The following PTCH1 variants were observed in gnomAD, a reference collection of about 807,000 sequenced individuals.
PTCH1 encodes the protein patched 1, also known as protein patched homolog 1.
Under a neutral mutation model 144.6 loss-of-function variants are expected in PTCH1, and 14 were observed. That is an observed-to-expected ratio of 0.10 (90% CI 0.06 to 0.15). PTCH1 has a LOEUF of 0.15. Ranked by LOEUF, PTCH1 falls within the 10% of genes least tolerant of loss-of-function variation. The pLI, the probability that PTCH1 is intolerant of heterozygous loss-of-function variation, is 1.00. For synonymous variants in PTCH1, 833 were observed against 793.6 expected (o/e 1.05, Z -0.83); for missense variants, 1,623 against 1,948.3 (o/e 0.83, Z 3.14).
Position 95,480,450 on chromosome 9 carries a change from G to C in PTCH1, c.885C>G (p.Pro295=). The change falls in exon 6 of 24, where the codon CCC becomes CCG. Residue 295 remains proline, a synonymous_variant. Transcript: ENST00000331920. ...AGTCTGGATCGGCCGGATTGAGGCAGGGGCGGTCCATGTAACCATGACCAA... is the reference window on the plus strand; with the variant it reads ...AGTCTGGATCGGCCGGATTGAGGCACGGGCGGTCCATGTAACCATGACCAA... ...AEVGHGYMDR[P]CLNPADPDCP... 6.2e-7 allele frequency: 1 copy of C among 1,611,926 alleles called. No homozygotes were observed. Among genetic ancestry groups the C allele is most frequent in the Non-Finnish European group, 8.5e-7 (1 of 1,179,718 alleles).
At position 95,449,826 on chromosome 9, in the gene PTCH1, C is replaced by T. The variant is rs1444040515; in HGVS notation, c.3549+15G>A. On this transcript the variant is annotated intron_variant, in intron 21 of 23. Coordinates refer to ENST00000331920, the MANE Select transcript of PTCH1 (RefSeq NM_000264.5). This position sits in a 1 kb window ranked among gnomAD's most constrained non-coding sequence, Gnocchi z 5.3. Reference sequence around the variant, plus strand: ...AGCCGGCCTACACGTGGGACATCCCCGTGTCACTACTGACCTCAGGATATG... The same window carrying T: ...AGCCGGCCTACACGTGGGACATCCCTGTGTCACTACTGACCTCAGGATATG... The T allele has an allele frequency of 3.1e-6, 5 of 1,602,476 alleles. No individual in the cohort carries two copies. The highest frequency in any genetic ancestry group is 2.2e-5 in the East Asian group (1 of 44,792).
chr9:95,500,888 C>A (rs1029050307), intron 2 of PTCH1, among the ~76,000 whole-genome samples: 3 of 152,194 alleles, frequency 2.0e-5, no homozygotes, highest in Non-Finnish European at 2.9e-5. Context: ...AATTTAGATA[C>A]CCCCCACCAA....
At chr9:95,487,452 G>C (rs960699475) in intron 2 of PTCH1, among the ~76,000 whole-genome samples, 1 of 152,244 alleles carries the variant, frequency 6.6e-6, no homozygotes, top group Non-Finnish European at 1.5e-5. Flanking sequence ...TACCTACTCG[G>C]CTGGCCTTTT....
upstream of PTCH1, among the ~76,000 whole-genome samples, chr9:95,510,797 C>T (rs1844110909): frequency 1.3e-5 from 2 of 151,338 alleles, no homozygotes; most frequent in Non-Finnish European, 3.0e-5. Context: ...GGGGGAGGAG[C>T]AGGGAGAAGG....
intron 1 of PTCH1, chr9:95,506,984 A>G: frequency 1.0e-6 from 1 of 1,001,360 alleles, no homozygotes; most frequent in Non-Finnish European, 1.2e-6. Flanking sequence ...GATGGAGCCC[A>G]AGGTTCAGGA....
At chr9:95,477,229 A>G (rs1183402553) in intron 10 of PTCH1, among the ~76,000 whole-genome samples, 3 of 152,218 alleles carry the variant, frequency 2.0e-5, no homozygotes, top group Non-Finnish European at 4.4e-5. Flanking sequence ...GGGCCTGGCA[A>G]TCGGAGCTTT....
chr9:95,447,456 A>G lies in PTCH1; in HGVS notation c.3805-5T>C. 6.4e-7 allele frequency: 1 copy of G among 1,573,182 alleles called. No individual in the cohort carries two copies. The highest frequency in any genetic ancestry group is 2.2e-5 in the East Asian group (1 of 44,552). ...CCTGGATTCGGGATGGACCACCTGCAGAGGGTGAGGGTGGGTTAGAAGGGT... is the reference window on the plus strand; with the variant it reads ...CCTGGATTCGGGATGGACCACCTGCGGAGGGTGAGGGTGGGTTAGAAGGGT... On this transcript the variant is annotated splice_polypyrimidine_tract_variant and splice_region_variant and intron_variant, in intron 22 of 23. Coordinates refer to ENST00000331920, the MANE Select transcript of PTCH1 (RefSeq NM_000264.5).
chr9:95,506,334 G>A (rs2118870448), intron 2 of PTCH1, 73 bp downstream of exon 2: 2 of 1,510,186 alleles, frequency 1.3e-6, no homozygotes. Context: ...CTAGGTGTGC[G>A]CTGGCGAATA....
In PTCH1 at chr9:95,456,391, G is replaced by A. The variant is rs368417828; in HGVS notation, c.3191C>T (p.Thr1064Met). The A allele has an allele frequency of 5.1e-5, 83 of 1,613,828 alleles. No individual in the cohort carries two copies. The African/African-American group carries it at 5.3e-4, about 10-fold the overall frequency. The stretch of plus-strand genomic sequence containing the variant: ...GCCCATCATGCCGAACAGCTCGACC[G>A]TCATCAGCGCCAGGACCATCACCTG... ...GIIVMVLALM[T>M]VELFGMMGLI... is the part of the protein sequence containing the mutation. Residue 1064 changes from threonine to methionine, a missense_variant, in exon 19 of 24, where the codon ACG becomes ATG. Physicochemically the swap from Thr to Met is moderately conservative, Grantham distance 81 (BLOSUM62 -1). Transcript: ENST00000331920.
intron 7 of PTCH1, among the ~76,000 whole-genome samples, chr9:95,479,470 C>T (rs774093535): frequency 4.6e-5 from 7 of 152,180 alleles, no homozygotes; most frequent in African/African-American, 9.7e-5. Flanking sequence ...GGCTCAGTGA[C>T]GCATACTTGC....
At position 95,478,127 on chromosome 9, in the gene PTCH1, C is replaced by T. The variant is rs150837425; in HGVS notation, c.1275G>A (p.Thr425=). The change falls in exon 9 of 24, where the codon ACG becomes ACA. Residue 425 remains threonine, a synonymous_variant. Coordinates refer to ENST00000331920, the MANE Select transcript of PTCH1 (RefSeq NM_000264.5). Reference sequence around the variant, plus strand: ...AGGATTTCAGGATGTCGTCCAGGGTCGTGGTGGTGAAGGAAAGCACCTTTT... The same window carrying T: ...AGGATTTCAGGATGTCGTCCAGGGTTGTGGTGGTGAAGGAAAGCACCTTTT... The part of the protein sequence containing the change: ...STQKVLSFTT[T]TLDDILKSFS... The T allele has an allele frequency of 1.4e-5, 22 of 1,614,150 alleles. No individual in the cohort carries two copies. The East Asian group carries it at 3.6e-4, about 26-fold the overall frequency.
chr9:95,450,821 A>G (rs1838390035), intron 20 of PTCH1: 1 of 152,286 alleles, frequency 6.6e-6, no homozygotes, highest in African/African-American at 2.4e-5. Context: ...TTGAGGGCTA[A>G]GGTCTGGAAT....
At chr9:95,474,289 CTA>C (rs765409010) in intron 12 of PTCH1, 157 of 294,040 alleles carry the variant, frequency 5.3e-4, no homozygotes, top group Non-Finnish European at 9.3e-4. Flanking sequence ...CTAAAAGACT[CTA>C]GAACAGTTTC....
intron 1 of PTCH1, 72 bp from the exon 2 acceptor site, chr9:95,506,671 C>T: frequency 1.4e-6 from 2 of 1,407,030 alleles, no homozygotes; most frequent in South Asian, 1.5e-5. Context: ...CGCTTGCGCG[C>T]ACCCGCCCGG....
intron 15 of PTCH1, among the ~76,000 whole-genome samples, chr9:95,462,966 G>A (rs547988322): frequency 5.0e-4 from 76 of 152,232 alleles, no homozygotes; most frequent in African/African-American, 1.7e-3. Context: ...GCGCTGGCTG[G>A]TGCGCACGCT....
chr9:95,456,452 C>T, intron 18 of PTCH1, 39 bp from the exon 19 acceptor site: 1 of 1,609,518 alleles, frequency 6.2e-7, no homozygotes, highest in Non-Finnish European at 8.5e-7. Context: ...GCGGGCAGGT[C>T]ACCCTCTGGG....
At chr9:95,500,693 T>A (rs1843089168) in intron 2 of PTCH1, among the ~76,000 whole-genome samples, 4 of 152,154 alleles carry the variant, frequency 2.6e-5, no homozygotes, top group Admixed American at 2.6e-4. Flanking sequence ...GGGAGTGGTT[T>A]GTGACAGAAA....
chr9:95,448,071 G>A (rs996692755), intron 22 of PTCH1, among the ~76,000 whole-genome samples: 57 of 152,178 alleles, frequency 3.7e-4, no homozygotes, highest in Non-Finnish European at 6.5e-4. Flanking sequence ...CCATCTGATT[G>A]TTAAGAATCT....
At position 95,446,097 on chromosome 9, in the gene PTCH1, T is replaced by A; in HGVS notation, c.*296A>T. 4.6e-6 allele frequency: 1 copy of A among 219,484 alleles called. No individual in the cohort carries two copies. Among genetic ancestry groups the A allele is most frequent in the East Asian group, 9.2e-5 (1 of 10,922 alleles). The allele number at this position is 219,484 out of a possible 1,614,324, so 13.6% of individuals were successfully genotyped here. Reference sequence around the variant, plus strand: ...AGCTTGGTTGTGGCACGGAGCCCAATGCACAAATACGGAGAGGCCCCACTG... The same window carrying A: ...AGCTTGGTTGTGGCACGGAGCCCAAAGCACAAATACGGAGAGGCCCCACTG... On this transcript the variant is annotated 3_prime_UTR_variant, in exon 24 of 24. Coordinates refer to ENST00000331920, the MANE Select transcript of PTCH1 (RefSeq NM_000264.5).
Sources: gnomAD v4.1 joint callset for allele counts (sites outside exome capture counted in the v4.1 genomes callset) on GRCh38, gnomAD v4.1.1 for gene constraint, Gnocchi (gnomAD v3.1) non-coding constraint, MANE v1.5 for transcripts, NCBI Gene and HGNC (gene_info 2026-07-23, HGNC 2026-07-21) for gene names.